Variants in PECAM1 observed in about 807,000 individuals in gnomAD.
The protein encoded by PECAM1 is platelet and endothelial cell adhesion molecule 1, also known as platelet endothelial cell adhesion molecule.
In PECAM1, 8 loss-of-function variants were observed where a neutral mutation model predicts 13.8. The ratio of observed to expected loss-of-function variants is 0.58; its 90% CI spans 0.34 to 1.05. The LOEUF is 1.05. Ranked by LOEUF, PECAM1 falls within the 50% of genes least tolerant of loss-of-function variation. PECAM1 has a pLI of 0.03. For synonymous variants in PECAM1, 136 were observed against 52.6 expected (o/e 2.58, Z -6.86); for missense variants, 304 against 141.2 (o/e 2.15, Z -5.84).
At chr17:64,378,146 T>C in intron 2 of PECAM1, 29 bp from the exon 3 acceptor site, 1 of 468,204 alleles carries the variant, frequency 2.1e-6, no homozygotes, top group Non-Finnish European at 3.9e-6. Context: ...AAGGCAGACA[T>C]ACCTGTTATC....
At chr17:64,376,399 T>C (rs1220801063) in intron 3 of PECAM1, among the ~76,000 whole-genome samples, 1 of 152,138 alleles carries the variant, frequency 6.6e-6, no homozygotes, top group South Asian at 2.1e-4. Flanking sequence ...TATAATCCTA[T>C]TGGGAAGAGG....
At chr17:64,385,116 T>A (rs971041671) in intron 2 of PECAM1, among the ~76,000 whole-genome samples, 3 of 152,280 alleles carry the variant, frequency 2.0e-5, no homozygotes, top group African/African-American at 7.2e-5. Flanking sequence ...ATTTCCTTAC[T>A]GAACCCAAAA....
Position 64,322,776 on chromosome 17 carries a change from C to T in PECAM1, c.*1040G>A, listed in dbSNP as rs782538743. On this transcript the variant is annotated 3_prime_UTR_variant, in exon 16 of 16. Coordinates refer to ENST00000563924, the MANE Select transcript of PECAM1 (RefSeq NM_000442.5). ...TGTCACTCAGGCTGGAGTGCAGTGG[C>T]GCGATCTCCGCTCACTACAACCTCC... The T allele has an allele frequency of 1.7e-5, 12 of 724,134 alleles. No homozygotes were observed. The highest frequency in any genetic ancestry group is 1.3e-4 in the South Asian group (2 of 15,942). The allele number at this position is 724,134 out of a possible 1,614,324, so 44.9% of individuals were successfully genotyped here.
intron 11 of PECAM1, among the ~76,000 whole-genome samples, 164 bp downstream of exon 11, chr17:64,352,226 G>T (rs2035740883): frequency 6.6e-6 from 1 of 152,112 alleles, no homozygotes; most frequent in African/African-American, 2.4e-5. Context: ...TTACGTTTCC[G>T]TATATTACAT....
intron 15 of PECAM1, among the ~76,000 whole-genome samples, chr17:64,327,061 A>G (rs551422218): frequency 2.0e-5 from 3 of 152,350 alleles, no homozygotes; most frequent in African/African-American, 4.8e-5. Context: ...AAATTTGCCC[A>G]TGGTGACATG....
intron 9 of PECAM1, among the ~76,000 whole-genome samples, chr17:64,353,940 CT>C (rs11446231): frequency 0.76 from 98,608 of 130,106 alleles, 42,300 homozygotes; most frequent in South Asian, 0.98. Context: ...CTCTCTCTCT[CT>C]TTTTTTTTTT....
In PECAM1 at chr17:64,322,480, C is replaced by G. The variant is rs2034829272; in HGVS notation, c.*1336G>C. The G allele has an allele frequency of 1.0e-6, 1 of 985,436 alleles. No homozygotes were observed. The highest frequency in any genetic ancestry group is 6.1e-5 in the Admixed American group (1 of 16,278). The allele number at this position is 985,436 out of a possible 1,614,324, so 61.0% of individuals were successfully genotyped here. ...AGCACTATAGATGCATGTGGCCCCT[C>G]AGAAGACAACATTTCACAGATCTGC... On this transcript the variant is annotated 3_prime_UTR_variant, in exon 16 of 16. Coordinates refer to ENST00000563924, the MANE Select transcript of PECAM1 (RefSeq NM_000442.5).
intron 13 of PECAM1, among the ~76,000 whole-genome samples, chr17:64,343,721 T>C (rs1479212507): frequency 6.6e-6 from 1 of 152,110 alleles, no homozygotes; most frequent in Non-Finnish European, 1.5e-5. Context: ...CAAACAGGAT[T>C]TGGAACTCAG....
At chr17:64,357,325 A>T (rs1161116858) in intron 7 of PECAM1, among the ~76,000 whole-genome samples, 1 of 152,196 alleles carries the variant, frequency 6.6e-6, no homozygotes, top group South Asian at 2.1e-4. Flanking sequence ...GCTCCAGTCC[A>T]GGTTACTTTC....
In PECAM1 at chr17:64,321,789, G is replaced by C; in HGVS notation, c.*2027C>G. Reference sequence around the variant, plus strand: ...AAAACAAAACAAAACAAAAAATTCAGTCGTGCTGCATAAGTAAGGCACCAG... The same window carrying C: ...AAAACAAAACAAAACAAAAAATTCACTCGTGCTGCATAAGTAAGGCACCAG... On this transcript the variant is annotated 3_prime_UTR_variant, in exon 16 of 16. Transcript: ENST00000563924. 1 of 1,326,180 alleles carries C rather than the reference G, an allele frequency of 7.5e-7. No homozygotes were observed. The highest frequency in any genetic ancestry group is 1.5e-5 in the African/African-American group (1 of 67,172). 82.2% of individuals were successfully genotyped at this position (1,326,180 alleles called of 1,614,324 possible).
intron 13 of PECAM1, among the ~76,000 whole-genome samples, chr17:64,347,795 A>C (rs1314948372): frequency 2.0e-5 from 3 of 149,046 alleles, no homozygotes; most frequent in Non-Finnish European, 4.4e-5. Context: ...CAGTGGCGCA[A>C]TCTCAGCTCA....
chr17:64,330,535 C>T lies in PECAM1; in HGVS notation c.2165-813G>A, dbSNP rs2035082858. Among the ~76,000 whole-genome samples, 9 of 151,588 alleles carry T rather than the reference C, an allele frequency of 5.9e-5. 1 individual carries two copies. In the South Asian group the frequency reaches 1.9e-3, roughly 32 times the overall value. Reference sequence around the variant, plus strand: ...CCTGTAGTCCCAGTTACTCGGGAGGCTGAGGCGGGAGAATCGCTTGAACCT... The same window carrying T: ...CCTGTAGTCCCAGTTACTCGGGAGGTTGAGGCGGGAGAATCGCTTGAACCT... On this transcript the variant is annotated intron_variant, in intron 14 of 15. Transcript: ENST00000563924.
intron 2 of PECAM1, among the ~76,000 whole-genome samples, chr17:64,388,950 G>A (rs1221913042): frequency 7.2e-5 from 11 of 152,188 alleles, no homozygotes; most frequent in African/African-American, 2.7e-4. Context: ...TTACAGGTGT[G>A]AGCCAACGCG....
chr17:64,368,517 G>A (rs1231394930), intron 5 of PECAM1, among the ~76,000 whole-genome samples: 3 of 151,956 alleles, frequency 2.0e-5, no homozygotes, highest in Admixed American at 6.6e-5. Flanking sequence ...ACATTCTTAT[G>A]CCTATCTCCT....
intron 15 of PECAM1, among the ~76,000 whole-genome samples, chr17:64,325,019 G>A (rs1186491223): frequency 1.3e-5 from 2 of 152,326 alleles, no homozygotes; most frequent in African/African-American, 2.4e-5. Context: ...TAGTGGTGGT[G>A]GTTGCACAGC....
At chr17:64,349,744 G>A (rs1357599922) in intron 12 of PECAM1, among the ~76,000 whole-genome samples, 1 of 151,980 alleles carries the variant, frequency 6.6e-6, no homozygotes, top group Non-Finnish European at 1.5e-5. Context: ...AATTAGCCGG[G>A]CGTGGTGGCA....
chr17:64,366,043 A>G (rs1431755254), intron 5 of PECAM1, among the ~76,000 whole-genome samples: 2 of 151,728 alleles, frequency 1.3e-5, no homozygotes, highest in African/African-American at 4.8e-5. Flanking sequence ...GGCAACCTAC[A>G]AAATGGGAGA....
chr17:64,340,626 G>T (rs1387080816), intron 14 of PECAM1, among the ~76,000 whole-genome samples: 1 of 152,096 alleles, frequency 6.6e-6, no homozygotes, highest in Non-Finnish European at 1.5e-5. Flanking sequence ...CCGAAAAAAA[G>T]GACTTGTTGA....
intron 3 of PECAM1, among the ~76,000 whole-genome samples, chr17:64,376,375 T>C (rs1475363645): frequency 6.6e-6 from 1 of 152,080 alleles, no homozygotes; most frequent in Non-Finnish European, 1.5e-5. Flanking sequence ...ATGTACTTGG[T>C]GTTTTCAATG....
Sources: gnomAD v4.1 joint callset for allele counts (sites outside exome capture counted in the v4.1 genomes callset) on GRCh38, gnomAD v4.1.1 for gene constraint, MANE v1.5 for transcripts, NCBI Gene and HGNC (gene_info 2026-07-23, HGNC 2026-07-21) for gene names.